The following PPP1R13L variants were observed in gnomAD, a reference collection of about 807,000 sequenced individuals.
PPP1R13L encodes the protein relA-associated inhibitor.
PPP1R13L carries 50 observed loss-of-function variants against 80.9 expected under a neutral mutation model. The observed-to-expected ratio is 0.62, with a 90% CI of 0.49 to 0.78. The LOEUF (loss-of-function observed/expected upper bound fraction) is 0.78, where lower values mean the gene tolerates loss of function less well. PPP1R13L is among the 30% of genes least tolerant of loss of function. PPP1R13L has a pLI of 0.00. For missense variants in PPP1R13L, 1,200 were observed against 1,205.9 expected, an observed-to-expected ratio of 1.00 and a Z score of 0.07; for synonymous variants, 602 against 534.3, an observed-to-expected ratio of 1.13 and a Z score of -1.75.
chr19:45,390,522 C>A (rs1404578775), intron 8 of PPP1R13L, among the ~76,000 whole-genome samples: 1 of 152,142 alleles, frequency 6.6e-6, no homozygotes, highest in African/African-American at 2.4e-5. Context: ...AGCCCCCAGT[C>A]ACGTTCCTCA....
chr19:45,397,056 C>T lies in PPP1R13L; in HGVS notation c.201G>A (p.Pro67=). The T allele has an allele frequency of 7.6e-6, 10 of 1,310,152 alleles. No individual in the cohort carries two copies. The highest frequency in any genetic ancestry group is 7.8e-6 in the Non-Finnish European group (8 of 1,030,116). 81.2% of individuals were successfully genotyped at this position (1,310,152 alleles called of 1,614,324 possible). A position where few individuals can be genotyped will look rare whatever the true frequency, so the allele number is the denominator to read the frequency against. Residue 67 remains proline, a splice_region_variant and synonymous_variant, in exon 4 of 13, where the codon CCG becomes CCA. Coordinates refer to ENST00000360957, the MANE Select transcript of PPP1R13L (RefSeq NM_006663.4). ...GGATCGAGCTGGAGCTGTACCGGGGCGGCTGTGGGGAGGCCAGGGCATTGA... is the reference window on the plus strand; with the variant it reads ...GGATCGAGCTGGAGCTGTACCGGGGTGGCTGTGGGGAGGCCAGGGCATTGA... ...PGPQAGPPSR[P]PRYSSSSIPE... is the part of the protein sequence containing the mutation.
chr19:45,393,108 C>A (rs1391832930), intron 7 of PPP1R13L: 7 of 150,824 alleles, frequency 4.6e-5, no homozygotes, highest in Non-Finnish European at 1.0e-4. Context: ...ATCGCTTGAA[C>A]CCAGGAGGCG....
Position 45,396,876 on chromosome 19 carries a change from C to T in PPP1R13L, c.381G>A (p.Leu127=), listed in dbSNP as rs771813752. Reference sequence around the variant, plus strand: ...CCAGGCTGCCGTAGGCGTCCGGCTGCAGGTAGAGCGGGGTGCGCGGCGACG... The same window carrying T: ...CCAGGCTGCCGTAGGCGTCCGGCTGTAGGTAGAGCGGGGTGCGCGGCGACG... ...RPSSPRTPLY[L]QPDAYGSLDR... Residue 127 remains leucine, a synonymous_variant, in exon 4 of 13, where the codon CTG becomes CTA. Coordinates refer to ENST00000360957, the MANE Select transcript of PPP1R13L (RefSeq NM_006663.4). This position sits in a 1 kb window ranked among gnomAD's most constrained non-coding sequence, Gnocchi z 5.3. 6.5e-7 allele frequency: 1 copy of T among 1,530,470 alleles called. No homozygotes were observed. Among genetic ancestry groups the T allele is most frequent in the Admixed American group, 2.0e-5 (1 of 49,124 alleles). 94.8% of individuals were successfully genotyped at this position (1,530,470 alleles called of 1,614,324 possible).
chr19:45,379,819 G>A lies in PPP1R13L; in HGVS notation c.*371C>T. On this transcript the variant is annotated 3_prime_UTR_variant, in exon 13 of 13. Coordinates refer to ENST00000360957, the MANE Select transcript of PPP1R13L (RefSeq NM_006663.4). ...GAGATGGTGTCAGCAGTGACTCCCA[G>A]GAATATCCAGTGGTGTGGTGGCCCA... 4.8e-6 allele frequency: 1 copy of A among 209,440 alleles called. No individual in the cohort carries two copies. The highest frequency in any genetic ancestry group is 9.7e-6 in the Non-Finnish European group (1 of 103,448). 13.0% of individuals were successfully genotyped at this position (209,440 alleles called of 1,614,324 possible). A position where few individuals can be genotyped will look rare whatever the true frequency, so the allele number is the denominator to read the frequency against.
At chr19:45,392,433 A>C (rs749881916) in intron 7 of PPP1R13L, 93 bp from the exon 8 acceptor site, 1 of 1,322,626 alleles carries the variant, frequency 7.6e-7, no homozygotes, top group African/African-American at 1.4e-5. Flanking sequence ...CCAGCACATG[A>C]TTTTCTGTGT....
chr19:45,385,126 G>C (rs1972840157), intron 11 of PPP1R13L, among the ~76,000 whole-genome samples: 1 of 152,202 alleles, frequency 6.6e-6, no homozygotes, highest in East Asian at 1.9e-4. Context: ...GGAGAGATAG[G>C]GTACAGCCTT....
intron 12 of PPP1R13L, among the ~76,000 whole-genome samples, chr19:45,382,282 T>G (rs896051582): frequency 7.9e-5 from 12 of 151,542 alleles, no homozygotes; most frequent in Non-Finnish European, 1.2e-4. Flanking sequence ...TAATAGAAAT[T>G]TAAAAATAAA....
chr19:45,389,148 T>C (rs529428402), intron 8 of PPP1R13L, among the ~76,000 whole-genome samples: 1 of 152,328 alleles, frequency 6.6e-6, no homozygotes, highest in Admixed American at 6.5e-5. Flanking sequence ...TCTATGATTT[T>C]TTAAGTTTCT....
intron 7 of PPP1R13L, chr19:45,392,608 C>A: frequency 1.8e-6 from 1 of 564,322 alleles, no homozygotes; most frequent in Non-Finnish European, 3.2e-6. Flanking sequence ...AGATACACTG[C>A]CATCTCCACA....
rs75960658 is a variant in PPP1R13L, at chr19:45,395,147, T to C, written c.1354+289A>G. ...GGCATGAGCCACCGTGCCCGGCCCA[T>C]TATTTCCCTTTTACACTCAAGAAAA... On this transcript the variant is annotated intron_variant, in intron 7 of 12. Transcript: ENST00000360957. The C allele has an allele frequency of 7.5e-5, 30 of 397,810 alleles. No individual in the cohort carries two copies. In the East Asian group the frequency reaches 1.7e-3, roughly 23 times the overall value. 24.6% of individuals were successfully genotyped at this position (397,810 alleles called of 1,614,324 possible). A position where few individuals can be genotyped will look rare whatever the true frequency, so the allele number is the denominator to read the frequency against.
At chr19:45,398,495 A>C (rs552784315) in intron 1 of PPP1R13L, among the ~76,000 whole-genome samples, 156 bp from the exon 2 acceptor site, 16 of 148,432 alleles carry the variant, frequency 1.1e-4, no homozygotes, top group South Asian at 1.1e-3. Context: ...GGAAATGCCA[A>C]CTCCTCCAAA....
At chr19:45,397,891 G>A (rs923365134) in intron 3 of PPP1R13L, 114 bp downstream of exon 3, 1 of 1,379,428 alleles carries the variant, frequency 7.2e-7, no homozygotes, top group Non-Finnish European at 9.7e-7. Flanking sequence ...AAGTTCCCTT[G>A]AAGAGCCCAC....
chr19:45,386,827 G>C (rs1395887249), intron 8 of PPP1R13L, among the ~76,000 whole-genome samples: 1 of 151,222 alleles, frequency 6.6e-6, no homozygotes, highest in Non-Finnish European at 1.5e-5. Flanking sequence ...GTAGAGACAG[G>C]GTTTTGTCAT....
chr19:45,383,012 T>TTTTTTTTTA (rs1972796112), intron 11 of PPP1R13L, among the ~76,000 whole-genome samples: 1 of 148,844 alleles, frequency 6.7e-6, no homozygotes, highest in African/African-American at 2.5e-5. Context: ...TTTTTTTTTT[T>TTTTTTTTTA]GAGACAGAGT....
chr19:45,405,703 G>T (rs1319707454), upstream of PPP1R13L, among the ~76,000 whole-genome samples: 8 of 152,204 alleles, frequency 5.3e-5, no homozygotes, highest in Non-Finnish European at 1.0e-4. Flanking sequence ...GGGAGAAGGG[G>T]TGCCCCAATT....
chr19:45,388,823 TG>T (rs1463121622), intron 8 of PPP1R13L, among the ~76,000 whole-genome samples: 2 of 151,966 alleles, frequency 1.3e-5, no homozygotes, highest in East Asian at 3.9e-4. Context: ...CTGCAGCCTC[TG>T]TCTCCTAGGT....
Position 45,396,240 on chromosome 19 carries a change from C to T in PPP1R13L, c.831G>A (p.Arg277=), listed in dbSNP as rs752698126. 2 of 1,610,176 alleles carry T rather than the reference C, an allele frequency of 1.2e-6. No homozygotes were observed. Among genetic ancestry groups the T allele is most frequent in the South Asian group, 2.2e-5 (2 of 90,850 alleles). ...ACAGCTGCAGGCTCGGCGAGGCAGG[C>T]CTTGCGAAGACGTCCAGGCCTGCGG... The part of the protein sequence containing the change: ...ASYERLDVFA[R]PASPSLQLLP... The change falls in exon 6 of 13, where the codon AGG becomes AGA. Residue 277 remains arginine, a synonymous_variant. Coordinates refer to ENST00000360957, the MANE Select transcript of PPP1R13L (RefSeq NM_006663.4). This position sits in a 1 kb window ranked among gnomAD's most constrained non-coding sequence, Gnocchi z 5.3.
At chr19:45,381,308 C>T (rs993366622) in intron 12 of PPP1R13L, among the ~76,000 whole-genome samples, 3 of 151,536 alleles carry the variant, frequency 2.0e-5, no homozygotes, top group African/African-American at 7.3e-5. Flanking sequence ...GAGATCCGCC[C>T]GCCTTGGCCT....
At chr19:45,386,606 C>A (rs1276782052) in intron 8 of PPP1R13L, among the ~76,000 whole-genome samples, 1 of 150,724 alleles carries the variant, frequency 6.6e-6, no homozygotes, top group Admixed American at 6.7e-5. Context: ...TTTTATTATT[C>A]CTTGTATTTT....
Sources: gnomAD v4.1 joint callset for allele counts (sites outside exome capture counted in the v4.1 genomes callset) on GRCh38, gnomAD v4.1.1 for gene constraint, Gnocchi (gnomAD v3.1) non-coding constraint, MANE v1.5 for transcripts, NCBI Gene and HGNC (gene_info 2026-07-23, HGNC 2026-07-21) for gene names.